THRB: variants seen among roughly 807,000 people sequenced by gnomAD.
The protein encoded by THRB is thyroid hormone receptor beta.
In THRB, 12 loss-of-function variants were observed where a neutral mutation model predicts 47.8. That is an observed-to-expected ratio of 0.25 (90% CI 0.16 to 0.41). The LOEUF is 0.41. Ranked by LOEUF, THRB falls within the 10% of genes least tolerant of loss-of-function variation. The pLI, the probability that THRB is intolerant of heterozygous loss-of-function variation, is 1.00. For missense variants in THRB, 348 were observed against 589.2 expected, an observed-to-expected ratio of 0.59 and a Z score of 4.24; for synonymous variants, 218 against 212.2, an observed-to-expected ratio of 1.03 and a Z score of -0.24.
At position 24,274,366 on chromosome 3, in the gene THRB, G is replaced by A. The variant is rs149093178; in HGVS notation, c.-43+22860C>T. 5.6e-4 allele frequency among the ~76,000 whole-genome samples: 85 copies of A among 152,178 alleles called. 1 individual carries two copies. Among genetic ancestry groups the A allele is most frequent in the African/African-American group, 2.0e-3 (84 of 41,510 alleles). On this transcript the variant is annotated intron_variant, in intron 3 of 10. Transcript: ENST00000646209. ...AGAAAACAAAAAATAAGCAATTAGG[G>A]TTACCTAGGGAAGCAAAATAGTGCT...
At chr3:24,200,247 C>A (rs1454343551) in intron 4 of THRB, among the ~76,000 whole-genome samples, 1 of 152,112 alleles carries the variant, frequency 6.6e-6, no homozygotes, top group Non-Finnish European at 1.5e-5. Flanking sequence ...CCAGTCTGAA[C>A]CCACATTTTT....
intron 3 of THRB, among the ~76,000 whole-genome samples, chr3:24,259,845 AGATT>A (rs202217701): frequency 2.0e-5 from 3 of 152,028 alleles, no homozygotes; most frequent in African/African-American, 7.3e-5. Flanking sequence ...CTATACAAAT[AGATT>A]AATTAAATGT....
intron 2 of THRB, among the ~76,000 whole-genome samples, chr3:24,323,810 T>A (rs1576838287): frequency 6.6e-6 from 1 of 152,218 alleles, no homozygotes; most frequent in East Asian, 1.9e-4. Context: ...TTCAGTATCT[T>A]GAAATAAAGC....
intron 1 of THRB, among the ~76,000 whole-genome samples, chr3:24,493,778 T>G (rs1698558522): frequency 6.6e-6 from 1 of 152,016 alleles, no homozygotes; most frequent in South Asian, 2.1e-4. Flanking sequence ...ATTTTCTCCC[T>G]CCCCCTCCTT....
intron 3 of THRB, among the ~76,000 whole-genome samples, chr3:24,253,481 A>T (rs1253678771): frequency 6.6e-6 from 1 of 152,200 alleles, no homozygotes; most frequent in Non-Finnish European, 1.5e-5. Context: ...TGTCACATGG[A>T]ATAAGCAGCA....
chr3:24,403,773 T>C (rs908459422), intron 1 of THRB, among the ~76,000 whole-genome samples: 2 of 152,008 alleles, frequency 1.3e-5, no homozygotes, highest in African/African-American at 4.8e-5. Context: ...CATATGGCAC[T>C]GCTGTTGCAG....
At chr3:24,307,946 C>T (rs2057474772) in intron 2 of THRB, among the ~76,000 whole-genome samples, 1 of 152,126 alleles carries the variant, frequency 6.6e-6, no homozygotes, top group African/African-American at 2.4e-5. Flanking sequence ...ATATGGGCAA[C>T]CACTGAAATA....
chr3:24,351,780 C>T (rs1249617030), intron 1 of THRB, among the ~76,000 whole-genome samples: 2 of 152,140 alleles, frequency 1.3e-5, no homozygotes, highest in African/African-American at 4.8e-5. Flanking sequence ...CACTTCCTGT[C>T]CCACCTCTGT....
At chr3:24,222,036 C>T (rs1445454408) in intron 4 of THRB, among the ~76,000 whole-genome samples, 1 of 152,020 alleles carries the variant, frequency 6.6e-6, no homozygotes, top group Non-Finnish European at 1.5e-5. Context: ...TTCTTTGTTT[C>T]ATGAGGAAAA....
intron 3 of THRB, among the ~76,000 whole-genome samples, chr3:24,244,527 T>C (rs2049912258): frequency 6.6e-6 from 1 of 152,200 alleles, no homozygotes; most frequent in Non-Finnish European, 1.5e-5. Context: ...ATGGCTTTCC[T>C]TAATAACTTC....
At chr3:24,493,145 C>T (rs553052757) in intron 1 of THRB, among the ~76,000 whole-genome samples, 1 of 152,184 alleles carries the variant, frequency 6.6e-6, no homozygotes, top group African/African-American at 2.4e-5. Flanking sequence ...ATGAAAACAT[C>T]CTAAAAACAT....
At position 24,217,359 on chromosome 3, in the gene THRB, C is replaced by T. The variant is rs181572572; in HGVS notation, c.22+11579G>A. ...AAAAAGATATAGAAATTTTTCTATACATCTGTATAGCGTGGGAACATTGAT... is the reference window on the plus strand; with the variant it reads ...AAAAAGATATAGAAATTTTTCTATATATCTGTATAGCGTGGGAACATTGAT... On this transcript the variant is annotated intron_variant, in intron 4 of 10. Coordinates refer to ENST00000646209, the MANE Select transcript of THRB (RefSeq NM_001354712.2). 7.9e-5 allele frequency among the ~76,000 whole-genome samples: 12 copies of T among 152,062 alleles called. No homozygotes were observed. In the East Asian group the frequency reaches 1.5e-3, roughly 20 times the overall value.
At chr3:24,464,178 G>A (rs903369476) in intron 1 of THRB, among the ~76,000 whole-genome samples, 3 of 151,660 alleles carry the variant, frequency 2.0e-5, no homozygotes, top group Non-Finnish European at 4.4e-5. Context: ...CCCGGGAGGC[G>A]GAGCCTGCAG....
chr3:24,123,238 AG>A (rs1559389319), intron 10 of THRB, 113 bp from the exon 11 acceptor site: 1 of 1,494,682 alleles, frequency 6.7e-7, no homozygotes, highest in Non-Finnish European at 9.2e-7. Context: ...CTTCCCTCTT[AG>A]CCATGAGCAT....
chr3:24,168,784 A>G (rs866404804), intron 5 of THRB, among the ~76,000 whole-genome samples: 33 of 151,488 alleles, frequency 2.2e-4, no homozygotes, highest in Middle Eastern at 6.8e-3. Context: ...CCTGCCTTTG[A>G]GTTAACCAGT....
At chr3:24,162,470 T>G (rs940585443) in intron 5 of THRB, among the ~76,000 whole-genome samples, 1 of 152,172 alleles carries the variant, frequency 6.6e-6, no homozygotes, top group Non-Finnish European at 1.5e-5. Context: ...TTTTGAAAAT[T>G]AAAAATTTGT....
intron 5 of THRB, among the ~76,000 whole-genome samples, chr3:24,178,293 AT>A (rs931703381): frequency 2.3e-4 from 35 of 152,306 alleles, no homozygotes; most frequent in African/African-American, 8.4e-4. Flanking sequence ...GTATCATACA[AT>A]TTTTTAGTAT....
At chr3:24,382,757 C>T (rs1393011897) in intron 1 of THRB, among the ~76,000 whole-genome samples, 1 of 152,096 alleles carries the variant, frequency 6.6e-6, no homozygotes, top group African/African-American at 2.4e-5. Flanking sequence ...TGAAATTCAC[C>T]CATTTTTCTC....
chr3:24,216,149 G>C (rs1180994552), intron 4 of THRB, among the ~76,000 whole-genome samples: 3 of 152,222 alleles, frequency 2.0e-5, no homozygotes, highest in Non-Finnish European at 4.4e-5. Context: ...GGTGTGAGAA[G>C]TGTGAAGGCA....
Sources: allele counts gnomAD v4.1 joint callset (sites outside exome capture counted in the v4.1 genomes callset), GRCh38; gene constraint gnomAD v4.1.1; transcripts MANE v1.5; gene names NCBI Gene and HGNC (gene_info 2026-07-23, HGNC 2026-07-21).